The following HS6ST3 variants were observed in gnomAD, a reference collection of about 807,000 sequenced individuals.
The protein encoded by HS6ST3 is heparan-sulfate 6-O-sulfotransferase 3.
A neutral mutation model predicts 36.7 loss-of-function variants in HS6ST3; 12 were observed. The observed-to-expected ratio is 0.33, with a 90% CI of 0.21 to 0.53. The LOEUF (loss-of-function observed/expected upper bound fraction) is 0.53, where lower values mean the gene tolerates loss of function less well. Ranked by LOEUF, HS6ST3 falls within the 20% of genes least tolerant of loss-of-function variation. HS6ST3 has a pLI of 0.95. For synonymous variants in HS6ST3, 240 were observed against 257.5 expected (o/e 0.93, Z 0.65); for missense variants, 584 against 640.9 (o/e 0.91, Z 0.96).
intron 1 of HS6ST3, among the ~76,000 whole-genome samples, chr13:96,343,974 C>A (rs1201237380): frequency 6.6e-6 from 1 of 152,092 alleles, no homozygotes; most frequent in Non-Finnish European, 1.5e-5. Context: ...AATCTCCTGA[C>A]CTTGTGATCC....
chr13:96,181,058 G>GTTAT (rs1308609460), intron 1 of HS6ST3, among the ~76,000 whole-genome samples: 2 of 152,094 alleles, frequency 1.3e-5, no homozygotes, highest in African/African-American at 4.8e-5. Context: ...ACATGCATTG[G>GTTAT]TTATTTAGTG....
At chr13:96,667,595 C>T (rs539715940) in intron 1 of HS6ST3, among the ~76,000 whole-genome samples, 1 of 152,122 alleles carries the variant, frequency 6.6e-6, no homozygotes, top group South Asian at 2.1e-4. Context: ...TCACTGAAAT[C>T]ACACGTGGGG....
intron 1 of HS6ST3, among the ~76,000 whole-genome samples, chr13:96,659,767 G>A (rs2056639807): frequency 6.6e-6 from 1 of 151,950 alleles, no homozygotes; most frequent in Non-Finnish European, 1.5e-5. Context: ...CTTTTCTACT[G>A]AATTTTAGTG....
At chr13:96,722,515 T>C (rs1594845043) in intron 1 of HS6ST3, among the ~76,000 whole-genome samples, 1 of 152,324 alleles carries the variant, frequency 6.6e-6, no homozygotes, top group Middle Eastern at 3.4e-3. Context: ...TATTTTCTAT[T>C]TTCAACTGTA....
intron 1 of HS6ST3, among the ~76,000 whole-genome samples, chr13:96,746,886 AAAGCTGGAAGGTT>A (rs1876574764): frequency 6.6e-6 from 1 of 152,130 alleles, no homozygotes; most frequent in African/African-American, 2.4e-5. Context: ...AACATCACTT[AAAGCTGGAAGGTT>A]CTTATGCCAT....
intron 1 of HS6ST3, among the ~76,000 whole-genome samples, chr13:96,503,054 TTTC>T (rs1336466792): frequency 2.0e-5 from 3 of 152,172 alleles, no homozygotes; most frequent in African/African-American, 4.8e-5. Flanking sequence ...AAAAAGAGTT[TTTC>T]TTCTTAAATG....
At chr13:96,429,739 A>G (rs2055605192) in intron 1 of HS6ST3, among the ~76,000 whole-genome samples, 1 of 152,230 alleles carries the variant, frequency 6.6e-6, no homozygotes, top group Non-Finnish European at 1.5e-5. Context: ...CCCTCTAAGA[A>G]TTCAGGTAAA....
chr13:96,378,672 C>A (rs1011685592), intron 1 of HS6ST3, among the ~76,000 whole-genome samples: 2 of 152,152 alleles, frequency 1.3e-5, no homozygotes, highest in African/African-American at 4.8e-5. Context: ...TCACATTCAG[C>A]CCTTGTTTTT....
intron 1 of HS6ST3, among the ~76,000 whole-genome samples, chr13:96,133,513 C>T (rs747789822): frequency 5.3e-5 from 8 of 152,126 alleles, no homozygotes; most frequent in Non-Finnish European, 1.0e-4. Flanking sequence ...ACCTCTGCCT[C>T]CTGGGTTCAA....
chr13:96,406,203 T>C (rs1306986962), intron 1 of HS6ST3, among the ~76,000 whole-genome samples: 1 of 152,244 alleles, frequency 6.6e-6, no homozygotes, highest in Non-Finnish European at 1.5e-5. Flanking sequence ...GACATTATTC[T>C]GCTATCACAT....
chr13:96,157,106 C>T (rs1471676039), intron 1 of HS6ST3, among the ~76,000 whole-genome samples: 1 of 152,176 alleles, frequency 6.6e-6, no homozygotes, highest in Non-Finnish European at 1.5e-5. Context: ...CCTTGCAGGG[C>T]TCTGATGAGC....
chr13:96,202,350 A>C (rs886163362), intron 1 of HS6ST3, among the ~76,000 whole-genome samples: 2 of 152,190 alleles, frequency 1.3e-5, no homozygotes, highest in Non-Finnish European at 2.9e-5. Flanking sequence ...TCTAGCTACT[A>C]TCCCTTCTGC....
intron 1 of HS6ST3, among the ~76,000 whole-genome samples, chr13:96,515,207 C>G (rs1037597536): frequency 6.6e-6 from 1 of 152,150 alleles, no homozygotes; most frequent in Non-Finnish European, 1.5e-5. Context: ...ACCATGAACA[C>G]GCAGCTCTAA....
At chr13:96,764,480 C>A (rs891021017) in intron 1 of HS6ST3, among the ~76,000 whole-genome samples, 2 of 152,178 alleles carry the variant, frequency 1.3e-5, no homozygotes, top group African/African-American at 4.8e-5. Context: ...CTGTAACTTG[C>A]TAACATAGCG....
intron 1 of HS6ST3, among the ~76,000 whole-genome samples, chr13:96,642,334 A>G (rs960056825): frequency 2.0e-5 from 3 of 151,772 alleles, no homozygotes; most frequent in African/African-American, 7.3e-5. Flanking sequence ...CTTGACTTTT[A>G]GCCATTTGAT....
At chr13:96,693,467 G>A (rs543700398) in intron 1 of HS6ST3, among the ~76,000 whole-genome samples, 24 of 152,140 alleles carry the variant, frequency 1.6e-4, no homozygotes, top group African/African-American at 5.5e-4. Context: ...ACCACACCCA[G>A]CTAATTTTGT....
At chr13:96,291,463 T>C (rs1448519483) in intron 1 of HS6ST3, among the ~76,000 whole-genome samples, 2 of 152,146 alleles carry the variant, frequency 1.3e-5, no homozygotes, top group African/African-American at 4.8e-5. Flanking sequence ...GAATATGGGC[T>C]AGGAAACAAG....
At chr13:96,376,211 G>C (rs2055313965) in intron 1 of HS6ST3, among the ~76,000 whole-genome samples, 1 of 152,136 alleles carries the variant, frequency 6.6e-6, no homozygotes, top group African/African-American at 2.4e-5. Flanking sequence ...GTTTAACTAA[G>C]ATACAAGTTT....
intron 1 of HS6ST3, among the ~76,000 whole-genome samples, chr13:96,762,501 T>C (rs1333861233): frequency 6.6e-6 from 1 of 151,974 alleles, no homozygotes; most frequent in Non-Finnish European, 1.5e-5. Context: ...CAAAAAATGC[T>C]CTAAATATTG....
Sources: allele counts gnomAD v4.1 joint callset (sites outside exome capture counted in the v4.1 genomes callset), GRCh38; gene constraint gnomAD v4.1.1; transcripts MANE v1.5; gene names NCBI Gene and HGNC (gene_info 2026-07-23, HGNC 2026-07-21).